The following PDZD9 variants were observed in gnomAD, a reference collection of about 807,000 sequenced individuals.
PDZD9 encodes PDZ domain-containing protein 9.
A neutral mutation model predicts 16.3 loss-of-function variants in PDZD9; 13 were observed. The ratio of observed to expected loss-of-function variants is 0.80; its 90% CI spans 0.52 to 1.27. The LOEUF is 1.27. Ranked by LOEUF, PDZD9 falls within the 50% of genes most tolerant of loss-of-function variation. The pLI, the probability that PDZD9 is intolerant of heterozygous loss-of-function variation, is 0.00. For missense variants in PDZD9, 288 were observed against 310.9 expected (o/e 0.93, Z 0.55); for synonymous variants, 120 against 111.0 (o/e 1.08, Z -0.51).
At chr16:22,000,666 A>T (rs1899272116) in intron 1 of PDZD9, among the ~76,000 whole-genome samples, 2 of 152,110 alleles carry the variant, frequency 1.3e-5, no homozygotes, top group South Asian at 4.2e-4. Context: ...CTCTACTAAA[A>T]ATAAAAAATT....
chr16:21,959,345 C>A, the PDZD9 span: 1 of 268,776 alleles, frequency 3.7e-6, no homozygotes, highest in Non-Finnish European at 7.5e-6. Flanking sequence ...ACAGTGTTCA[C>A]AGCATCTTCA....
chr16:21,980,229 C>A, downstream of PDZD9: 1 of 263,482 alleles, frequency 3.8e-6, no homozygotes, highest in Non-Finnish European at 7.5e-6. Context: ...GATCCAGAGG[C>A]CTTGGGAAGC....
the PDZD9 span, chr16:21,971,410 T>G: frequency 1.2e-6 from 1 of 825,980 alleles, no homozygotes; most frequent in Non-Finnish European, 1.9e-6. Context: ...AAGACTCTTA[T>G]TTATTTTGTA....
the PDZD9 span, among the ~76,000 whole-genome samples, chr16:21,972,407 A>G: frequency 1.3e-5 from 2 of 152,230 alleles, no homozygotes; most frequent in South Asian, 4.1e-4. Context: ...AGTTGTAGAT[A>G]TTAAACTTTC....
chr16:21,966,162 AT>A, the PDZD9 span, among the ~76,000 whole-genome samples: 1 of 148,064 alleles, frequency 6.8e-6, no homozygotes, highest in African/African-American at 2.5e-5. Context: ...AAAAAAAAAT[AT>A]ATATATATGT....
At chr16:21,960,065 G>T in the PDZD9 span, among the ~76,000 whole-genome samples, 2 of 152,160 alleles carry the variant, frequency 1.3e-5, no homozygotes, top group East Asian at 3.8e-4. Flanking sequence ...GTCACCAGCT[G>T]CATTAGTCCC....
chr16:21,962,914 T>C, the PDZD9 span: 1 of 1,598,140 alleles, frequency 6.3e-7, no homozygotes, highest in East Asian at 2.2e-5. Context: ...CACATTTGAT[T>C]CTAAGATACT....
At chr16:21,967,107 T>C in the PDZD9 span, among the ~76,000 whole-genome samples, 5 of 152,184 alleles carry the variant, frequency 3.3e-5, no homozygotes, top group Non-Finnish European at 5.9e-5. Flanking sequence ...TAGTATTTTT[T>C]AAATGTGTCC....
chr16:21,968,795 AT>A, the PDZD9 span: 1 of 899,088 alleles, frequency 1.1e-6, no homozygotes, highest in Non-Finnish European at 1.6e-6. Flanking sequence ...TCGGCCTTCT[AT>A]TTATGTCAGA....
Position 21,984,315 on chromosome 16 carries a change from A to C in PDZD9, c.747T>G (p.Cys249Trp). 6.2e-7 allele frequency: 1 copy of C among 1,614,094 alleles called. No individual in the cohort carries two copies. The highest frequency in any genetic ancestry group is 8.5e-7 in the Non-Finnish European group (1 of 1,179,982). The stretch of plus-strand genomic sequence containing the variant: ...GGGCTTTACCCTCTTCAACTTGGGC[A>C]CAATCTTCCAGCCAAAATGCATCTG... Reference protein sequence around the residue: ...STSDAFWLEDCAQVEEGKAQL... With the variant: ...STSDAFWLEDWAQVEEGKAQL... Residue 249 changes from cysteine (C) to tryptophan (W), a missense_variant, in exon 4 of 4, where the codon TGT becomes TGG. Physicochemically the swap from Cys to Trp is radical, Grantham distance 215. Transcript: ENST00000424898.
chr16:21,964,542 T>G, the PDZD9 span, among the ~76,000 whole-genome samples: 3 of 152,226 alleles, frequency 2.0e-5, no homozygotes, highest in Non-Finnish European at 4.4e-5. Context: ...CAATTCCCAT[T>G]TGAATCAAAT....
intron 2 of PDZD9, among the ~76,000 whole-genome samples, chr16:21,989,056 G>T (rs187701231): frequency 4.0e-5 from 6 of 150,094 alleles, no homozygotes; most frequent in Admixed American, 4.0e-4. Context: ...AGCCTCCCAA[G>T]TAGCTAGGAT....
chr16:21,981,543 C>G (rs561121724), downstream of PDZD9, among the ~76,000 whole-genome samples: 1 of 151,936 alleles, frequency 6.6e-6, no homozygotes, highest in Admixed American at 6.6e-5. Context: ...TGCTTGAGCC[C>G]AGGAGTTCAA....
intron 1 of PDZD9, 47 bp from the exon 2 acceptor site, chr16:21,996,548 G>A (rs1004277360): frequency 2.3e-5 from 34 of 1,480,866 alleles, no homozygotes; most frequent in East Asian, 1.5e-4. Context: ...CAAGACAGAA[G>A]CATGGCCATA....
the PDZD9 span, chr16:21,962,591 C>A: frequency 6.2e-7 from 1 of 1,600,514 alleles, no homozygotes; most frequent in Non-Finnish European, 8.6e-7. Flanking sequence ...CTTTGTAATG[C>A]GTCATTATGA....
At chr16:21,986,219 T>C (rs1898873141) in intron 3 of PDZD9, among the ~76,000 whole-genome samples, 1 of 152,208 alleles carries the variant, frequency 6.6e-6, no homozygotes, top group Admixed American at 6.5e-5. Flanking sequence ...TTCCTTCTTC[T>C]TTCCCTGCCG....
the PDZD9 span, among the ~76,000 whole-genome samples, chr16:21,977,306 A>G: frequency 1.3e-5 from 2 of 152,058 alleles, no homozygotes; most frequent in East Asian, 3.9e-4. Context: ...GTGAACTAAG[A>G]TCACGCCATT....
chr16:21,967,847 C>T, the PDZD9 span, among the ~76,000 whole-genome samples: 4 of 152,214 alleles, frequency 2.6e-5, no homozygotes, highest in African/African-American at 7.2e-5. Flanking sequence ...TGGTAAAACT[C>T]TGTTAGCCCT....
At chr16:21,995,216 G>A (rs1334263752) in intron 2 of PDZD9, 24 of 457,920 alleles carry the variant, frequency 5.2e-5, no homozygotes, top group Middle Eastern at 6.9e-4. Flanking sequence ...TCTTCCTCCC[G>A]CTCCAACCAT....
Sources: allele counts gnomAD v4.1 joint callset (sites outside exome capture counted in the v4.1 genomes callset), GRCh38; gene constraint gnomAD v4.1.1; transcripts MANE v1.5; gene names NCBI Gene and HGNC (gene_info 2026-07-23, HGNC 2026-07-21).